The following SVOPL variants were observed in gnomAD, a reference collection of about 807,000 sequenced individuals.
The protein encoded by SVOPL is SVOP like.
Under a neutral mutation model 61.0 loss-of-function variants are expected in SVOPL, and 60 were observed. The ratio of observed to expected loss-of-function variants is 0.98; its 90% CI spans 0.80 to 1.22. The LOEUF (loss-of-function observed/expected upper bound fraction) is 1.22. Among genes scored for constraint, SVOPL ranks in the 50% most tolerant of loss-of-function variants. The probability of loss-of-function intolerance (pLI) is 0.00; values close to 1 mark genes in which losing one functional copy is unlikely to be tolerated. For synonymous variants in SVOPL, 279 were observed against 250.0 expected (o/e 1.12, Z -1.09); for missense variants, 662 against 643.9 (o/e 1.03, Z -0.30).
In SVOPL at chr7:138,621,134, A is replaced by G; in HGVS notation, c.1265T>C (p.Val422Ala). 6.2e-7 allele frequency: 1 copy of G among 1,612,248 alleles called. No individual in the cohort carries two copies. The highest frequency in any genetic ancestry group is 8.5e-7 in the Non-Finnish European group (1 of 1,179,276). Residue 422 changes from valine to alanine, a missense_variant and splice_region_variant, in exon 14 of 16, where the codon GTC becomes GCC. Coordinates refer to ENST00000674285, the MANE Select transcript of SVOPL (RefSeq NM_001139456.2). Reference protein sequence around the residue: ...FNTVYIYTAEVYPTTMRALGM... With the variant: ...FNTVYIYTAEAYPTTMRALGM... ...CAAAGCGCGCATCGTGGTGGGGTAG[A>G]CCTGCAGGGAGAGGCACGGAAAGTA... is the stretch of plus-strand genomic sequence containing the variant.
intron 1 of SVOPL, among the ~76,000 whole-genome samples, chr7:138,689,813 T>A (rs541205669): frequency 2.3e-4 from 32 of 141,714 alleles, no homozygotes; most frequent in African/African-American, 8.5e-4. Flanking sequence ...GCTGAGATCA[T>A]GCCACTGCAC....
intron 1 of SVOPL, among the ~76,000 whole-genome samples, chr7:138,681,608 G>C (rs1027022915): frequency 2.6e-5 from 4 of 152,122 alleles, no homozygotes; most frequent in African/African-American, 7.2e-5. Flanking sequence ...AGGATCACTT[G>C]AGACCAAGAG....
chr7:138,625,203 C>T (rs1050603527), intron 13 of SVOPL: 2 of 152,128 alleles, frequency 1.3e-5, no homozygotes, highest in African/African-American at 4.8e-5. Flanking sequence ...ATAATTCAAA[C>T]ATCTCATAGC....
At chr7:138,635,996 G>C (rs1025233029) in intron 9 of SVOPL, among the ~76,000 whole-genome samples, 1 of 152,104 alleles carries the variant, frequency 6.6e-6, no homozygotes, top group African/African-American at 2.4e-5. Context: ...TCAGCTTACT[G>C]CAACCTCCTC....
chr7:138,596,959 GT>G (rs931531570), intron 14 of SVOPL: 29 of 1,119,606 alleles, frequency 2.6e-5, no homozygotes, highest in Middle Eastern at 2.5e-4. Context: ...ACAGGTGAAA[GT>G]TTTTTTTGGA....
intron 1 of SVOPL, chr7:138,688,940 C>T: frequency 1.8e-6 from 1 of 542,762 alleles, no homozygotes. Context: ...ATAAAGTCAG[C>T]TCTTCCTCTT....
chr7:138,689,319 A>G (rs1221047129), intron 1 of SVOPL: 1 of 1,592,066 alleles, frequency 6.3e-7, no homozygotes, highest in East Asian at 2.2e-5. Context: ...TTCTCTGGTC[A>G]TTGAGCATAT....
In SVOPL at chr7:138,628,343, T is replaced by C. The variant is rs745619788; in HGVS notation, c.884A>G (p.Tyr295Cys). 47 of 1,613,916 alleles carry C rather than the reference T, an allele frequency of 2.9e-5. No individual in the cohort carries two copies. The highest frequency in any genetic ancestry group is 1.1e-4 in the African/African-American group (8 of 74,870). ...AGCACTGGCCAGGATAACCCCATAG[T>C]AGGCAAAAGAGATTCCAAGCCTGGA... The part of the protein sequence containing the change: ...WVIWLGISFA[Y>C]YGVILASAEL... The change falls in exon 11 of 16, where the codon TAC becomes TGC. Residue 295 changes from tyrosine to cysteine, a missense_variant. Tyr to Cys is a radical substitution (Grantham distance 194). Coordinates refer to ENST00000674285, the MANE Select transcript of SVOPL (RefSeq NM_001139456.2).
chr7:138,601,527 G>T (rs1194168068), intron 14 of SVOPL, among the ~76,000 whole-genome samples: 1 of 151,408 alleles, frequency 6.6e-6, no homozygotes, highest in Admixed American at 6.6e-5. Flanking sequence ...GACAAATACT[G>T]CATGCTCTCT....
chr7:138,697,628 A>G (rs1219752384), intron 1 of SVOPL, among the ~76,000 whole-genome samples: 106 of 114,956 alleles, frequency 9.2e-4, no homozygotes, highest in Non-Finnish European at 1.5e-3. Context: ...AAAAAAAAAA[A>G]AAGAAGAAGA....
chr7:138,662,440 T>TG (rs1048281322), intron 5 of SVOPL: 19 of 985,424 alleles, frequency 1.9e-5, no homozygotes, highest in Non-Finnish European at 2.3e-5. Context: ...TTGGGTGCTC[T>TG]GGGGGGTTAG....
At chr7:138,650,095 G>C (rs1801345107) in intron 7 of SVOPL, among the ~76,000 whole-genome samples, 1 of 152,192 alleles carries the variant, frequency 6.6e-6, no homozygotes, top group South Asian at 2.1e-4. Context: ...CTCCCAAAGT[G>C]CTGGGATTAC....
chr7:138,594,668 C>A (rs1798206866), intron 15 of SVOPL, 47 bp from the exon 16 acceptor site: 2 of 1,427,232 alleles, frequency 1.4e-6, no homozygotes, highest in South Asian at 1.4e-5. Flanking sequence ...TTTTAAAAGT[C>A]TTGTCCATTC....
At chr7:138,678,622 C>T (rs896338022) in intron 2 of SVOPL, 97 bp from the exon 3 acceptor site, 67 of 1,211,388 alleles carry the variant, frequency 5.5e-5, no homozygotes, top group Non-Finnish European at 7.6e-5. Context: ...ATTATAAAAA[C>T]AAGTTAATAC....
At chr7:138,671,973 T>C in intron 4 of SVOPL, 46 bp downstream of exon 4, 1 of 1,521,740 alleles carries the variant, frequency 6.6e-7, no homozygotes, top group Non-Finnish European at 8.9e-7. Context: ...AAAGGGAGCC[T>C]ACGCCCTCAG....
At chr7:138,660,834 G>A in intron 5 of SVOPL, 2 of 982,998 alleles carry the variant, frequency 2.0e-6, no homozygotes, top group Non-Finnish European at 1.2e-6. Context: ...CCAACAGGGT[G>A]TTATATATAG....
At chr7:138,639,236 C>T (rs2580808) in intron 9 of SVOPL, among the ~76,000 whole-genome samples, 100,103 of 151,922 alleles carry the variant, frequency 0.66, 34,348 homozygotes, top group Middle Eastern at 0.8. Flanking sequence ...GCCTGGGCAA[C>T]AGAGCAAGAT....
chr7:138,596,387 A>G (rs868659436), intron 15 of SVOPL, 30 bp downstream of exon 15: 1 of 1,606,916 alleles, frequency 6.2e-7, no homozygotes, highest in Non-Finnish European at 8.5e-7. Flanking sequence ...TGGTAGTTGA[A>G]AAGACTTCAG....
chr7:138,670,654 G>A (rs905834492), intron 4 of SVOPL, among the ~76,000 whole-genome samples: 2 of 152,080 alleles, frequency 1.3e-5, no homozygotes, highest in Admixed American at 6.5e-5. Flanking sequence ...AAATTTTCAG[G>A]GAGGCTGATA....
Sources: allele counts gnomAD v4.1 joint callset (sites outside exome capture counted in the v4.1 genomes callset), GRCh38; gene constraint gnomAD v4.1.1; transcripts MANE v1.5; gene names NCBI Gene and HGNC (gene_info 2026-07-23, HGNC 2026-07-21).